NRG4: variants seen among roughly 807,000 people sequenced by gnomAD.
NRG4 encodes the protein pro-neuregulin-4, membrane-bound isoform.
NRG4 carries 10 observed loss-of-function variants against 15.0 expected under a neutral mutation model. The observed-to-expected ratio is 0.67, with a 90% confidence interval of 0.41 to 1.13. NRG4 has a LOEUF of 1.13. Among genes scored for constraint, NRG4 ranks in the 50% most tolerant of loss-of-function variants. The pLI, the probability that NRG4 is intolerant of heterozygous loss-of-function variation, is 0.00. For synonymous variants in NRG4, 41 were observed against 50.1 expected (o/e 0.82, Z 0.77); for missense variants, 139 against 140.2 (o/e 0.99, Z 0.04).
chr15:75,981,294 A>G (rs957403371), intron 3 of NRG4, among the ~76,000 whole-genome samples: 4 of 152,288 alleles, frequency 2.6e-5, no homozygotes, highest in African/African-American at 9.6e-5. Context: ...TCTACTTTAA[A>G]TGTTTCAGAT....
At chr15:75,939,669 T>G (rs1287440645), downstream of NRG4, 1 of 152,172 alleles carries the variant, frequency 6.6e-6, no homozygotes, top group Non-Finnish European at 1.5e-5. Flanking sequence ...TAGCAGCATA[T>G]TAAAAGGATT....
intron 3 of NRG4, among the ~76,000 whole-genome samples, chr15:76,003,249 A>C (rs751091932): frequency 1.2e-4 from 19 of 152,180 alleles, no homozygotes. Flanking sequence ...GGATATTAGT[A>C]AACATTTGAA....
At chr15:75,944,768 T>TGG (rs755812813) in intron 5 of NRG4, among the ~76,000 whole-genome samples, 9 of 115,130 alleles carry the variant, frequency 7.8e-5, no homozygotes, top group African/African-American at 1.5e-4. Context: ...TGTGTGTGTG[T>TGG]GGGGGGGTGG....
intron 5 of NRG4, among the ~76,000 whole-genome samples, chr15:76,020,520 T>G (rs2141926486): frequency 6.6e-6 from 1 of 152,318 alleles, no homozygotes; most frequent in African/African-American, 2.4e-5. Context: ...ATGTCCAATC[T>G]TTTGACTTCC....
At chr15:75,984,175 C>G (rs1260813809) in intron 3 of NRG4, among the ~76,000 whole-genome samples, 1 of 152,202 alleles carries the variant, frequency 6.6e-6, no homozygotes, top group East Asian at 1.9e-4. Flanking sequence ...TCGGTGAACC[C>G]TGAACTATGG....
chr15:75,946,761 C>T (rs2031548366), intron 5 of NRG4, among the ~76,000 whole-genome samples: 1 of 152,206 alleles, frequency 6.6e-6, no homozygotes, highest in South Asian at 2.1e-4. Context: ...CTTTCTGTCT[C>T]AGTGAATTTG....
chr15:76,052,401 T>A (rs2036042186), intron 3 of NRG4, among the ~76,000 whole-genome samples: 1 of 151,142 alleles, frequency 6.6e-6, no homozygotes, highest in Non-Finnish European at 1.5e-5. Context: ...ACTGTTACTA[T>A]TTCCAAATAA....
At chr15:76,031,569 A>G (rs1045234970) in intron 5 of NRG4, among the ~76,000 whole-genome samples, 1 of 152,216 alleles carries the variant, frequency 6.6e-6, no homozygotes, top group Non-Finnish European at 1.5e-5. Context: ...ATGCTCCTGT[A>G]GTCCCAGCTA....
chr15:76,001,643 G>T (rs1194156164), intron 3 of NRG4, among the ~76,000 whole-genome samples: 21 of 152,184 alleles, frequency 1.4e-4, no homozygotes, highest in Non-Finnish European at 2.8e-4. Flanking sequence ...ATTCTACTAA[G>T]AATGGGAGGT....
intron 3 of NRG4, among the ~76,000 whole-genome samples, chr15:75,989,513 A>G (rs953265351): frequency 6.6e-6 from 1 of 152,118 alleles, no homozygotes; most frequent in Non-Finnish European, 1.5e-5. Flanking sequence ...TTAGTCTGAA[A>G]AAAAAAAATC....
chr15:76,029,913 C>T (rs2035426717), intron 5 of NRG4, among the ~76,000 whole-genome samples: 1 of 152,072 alleles, frequency 6.6e-6, no homozygotes, highest in African/African-American at 2.4e-5. Flanking sequence ...ACATAAATAG[C>T]AAAAGAAATC....
chr15:76,028,615 T>C (rs1176816568), intron 5 of NRG4, among the ~76,000 whole-genome samples: 2 of 151,300 alleles, frequency 1.3e-5, no homozygotes, highest in Non-Finnish European at 2.9e-5. Flanking sequence ...AAAAAGTGAT[T>C]CCAGCTGGGT....
intron 4 of NRG4, among the ~76,000 whole-genome samples, chr15:76,051,330 G>A (rs1196082559): frequency 6.0e-5 from 9 of 149,884 alleles, no homozygotes; most frequent in Admixed American, 5.3e-4. Flanking sequence ...TTATAGAGAC[G>A]GGCTCTCACT....
intron 5 of NRG4, among the ~76,000 whole-genome samples, chr15:76,030,368 T>A (rs1207057489): frequency 6.6e-6 from 1 of 152,146 alleles, no homozygotes; most frequent in Non-Finnish European, 1.5e-5. Context: ...ACAGCATGGT[T>A]CTGGCATAAA....
At chr15:75,976,753 G>A (rs1247060827) in intron 3 of NRG4, among the ~76,000 whole-genome samples, 1 of 152,332 alleles carries the variant, frequency 6.6e-6, no homozygotes, top group Non-Finnish European at 1.5e-5. Flanking sequence ...TCTCCTGTAT[G>A]AGATGTCTGT....
At chr15:75,964,429 T>A (rs969154934) in intron 3 of NRG4, among the ~76,000 whole-genome samples, 1 of 152,204 alleles carries the variant, frequency 6.6e-6, no homozygotes, top group Non-Finnish European at 1.5e-5. Flanking sequence ...GTGAGAGCAA[T>A]TCCTGTCATA....
At position 75,991,334 on chromosome 15, in the gene NRG4, T is replaced by C. The variant is rs146949557; in HGVS notation, c.104+17866A>G. ...TGAAATTTGAATTTTATATACATTT[T>C]CTATGTCAAAATATTTTTTAAAAAT... On this transcript the variant is annotated intron_variant, in intron 3 of 5. Coordinates refer to ENST00000394907, the MANE Select transcript of NRG4 (RefSeq NM_138573.4). 9.9e-3 allele frequency among the ~76,000 whole-genome samples: 1,504 copies of C among 152,314 alleles called. 28 individuals are homozygous for C. The highest frequency in any genetic ancestry group is 0.033 in the African/African-American group (1,391 of 41,562).
At chr15:75,963,374 T>G (rs1392026725) in intron 3 of NRG4, among the ~76,000 whole-genome samples, 2 of 152,126 alleles carry the variant, frequency 1.3e-5, no homozygotes, top group African/African-American at 4.8e-5. Context: ...CCAGGCACAG[T>G]GACTCACGCC....
At chr15:75,948,163 T>C (rs1290944072) in intron 5 of NRG4, among the ~76,000 whole-genome samples, 3 of 152,162 alleles carry the variant, frequency 2.0e-5, no homozygotes, top group Non-Finnish European at 4.4e-5. Flanking sequence ...TAAGTTTTGA[T>C]GTCCAATTTG....
Sources: gnomAD v4.1 joint callset for allele counts (sites outside exome capture counted in the v4.1 genomes callset) on GRCh38, gnomAD v4.1.1 for gene constraint, MANE v1.5 for transcripts, NCBI Gene and HGNC (gene_info 2026-07-23, HGNC 2026-07-21) for gene names.